Variants in PHACTR3 observed in about 807,000 individuals in gnomAD.
The protein encoded by PHACTR3 is phosphatase and actin regulator 3, also known as protein phosphatase 1, regulatory subunit 123.
PHACTR3 carries 16 observed loss-of-function variants against 66.8 expected under a neutral mutation model. The observed-to-expected ratio is 0.24, with a 90% CI of 0.16 to 0.36. The LOEUF (loss-of-function observed/expected upper bound fraction) is 0.36. Among genes scored for constraint, PHACTR3 ranks in the 10% least tolerant of loss-of-function variants. The pLI is 1.00. For synonymous variants in PHACTR3, 323 were observed against 292.1 expected (o/e 1.11, Z -1.08); for missense variants, 647 against 719.9 (o/e 0.90, Z 1.16).
chr20:59,650,881 G>C, intron 1 of PHACTR3, among the ~76,000 whole-genome samples: 1 of 152,112 alleles, frequency 6.6e-6, no homozygotes, highest in Non-Finnish European at 1.5e-5. Context: ...AGGGTTGGGG[G>C]CTATGATAGG....
intron 5 of PHACTR3, among the ~76,000 whole-genome samples, chr20:59,771,723 C>T (rs1051314705): frequency 6.6e-6 from 1 of 152,208 alleles, no homozygotes; most frequent in Non-Finnish European, 1.5e-5. Flanking sequence ...GGGCCTGGCC[C>T]GTTTCCCTGT....
At chr20:59,806,670 A>G (rs1291167479) in intron 8 of PHACTR3, among the ~76,000 whole-genome samples, 1 of 152,182 alleles carries the variant, frequency 6.6e-6, no homozygotes, top group African/African-American at 2.4e-5. Flanking sequence ...CCACCCACAT[A>G]CACACAGTTA....
chr20:59,621,958 T>C (rs1268439736), intron 1 of PHACTR3, among the ~76,000 whole-genome samples: 1 of 152,234 alleles, frequency 6.6e-6, no homozygotes, highest in Non-Finnish European at 1.5e-5. Flanking sequence ...AAGGTCAACT[T>C]TGCCATCTGT....
At chr20:59,735,541 C>A (rs1456898308) in intron 1 of PHACTR3, among the ~76,000 whole-genome samples, 1 of 151,958 alleles carries the variant, frequency 6.6e-6, no homozygotes, top group Non-Finnish European at 1.5e-5. Flanking sequence ...GATAAGATAT[C>A]TTAGTGGATG....
At chr20:59,645,550 C>T (rs961174147) in intron 1 of PHACTR3, among the ~76,000 whole-genome samples, 1 of 152,134 alleles carries the variant, frequency 6.6e-6, no homozygotes, top group South Asian at 2.1e-4. Context: ...GACCTCTCCT[C>T]GTCCTGCTTG....
chr20:59,783,924 A>G (rs967490299), intron 7 of PHACTR3, among the ~76,000 whole-genome samples: 7 of 152,374 alleles, frequency 4.6e-5, no homozygotes, highest in African/African-American at 1.7e-4. Context: ...TAGGAACTGT[A>G]TCCGTCTCCC....
At chr20:59,710,275 TCTC>T (rs1411283153) in intron 1 of PHACTR3, among the ~76,000 whole-genome samples, 1 of 152,170 alleles carries the variant, frequency 6.6e-6, no homozygotes, top group Non-Finnish European at 1.5e-5. Context: ...CTCATCCCAT[TCTC>T]CTGCTTTTTA....
chr20:59,685,636 G>C (rs545410991), intron 1 of PHACTR3, among the ~76,000 whole-genome samples: 2 of 152,180 alleles, frequency 1.3e-5, no homozygotes, highest in Non-Finnish European at 2.9e-5. Context: ...GCTGGAACTC[G>C]TCAGACCATC....
intron 1 of PHACTR3, among the ~76,000 whole-genome samples, chr20:59,679,821 A>G (rs2036579412): frequency 6.6e-6 from 1 of 152,174 alleles, no homozygotes; most frequent in Non-Finnish European, 1.5e-5. Flanking sequence ...CACTACCACA[A>G]GAACAGTATG....
At chr20:59,615,853 A>G (rs1472032909) in intron 1 of PHACTR3, among the ~76,000 whole-genome samples, 1 of 152,216 alleles carries the variant, frequency 6.6e-6, no homozygotes, top group Non-Finnish European at 1.5e-5. Flanking sequence ...TTGGGGGAGC[A>G]GGAAAGTCAT....
chr20:59,845,097 C>A, intron 11 of PHACTR3, 92 bp from the exon 12 acceptor site: 1 of 802,088 alleles, frequency 1.2e-6, no homozygotes, highest in South Asian at 1.8e-5. Flanking sequence ...ATAGAGTCAA[C>A]AAGGATTAGG....
chr20:59,661,364 G>C (rs900540589), intron 1 of PHACTR3, among the ~76,000 whole-genome samples: 3 of 152,138 alleles, frequency 2.0e-5, no homozygotes, highest in African/African-American at 4.8e-5. Flanking sequence ...AGGTGGGGAA[G>C]GGGGGAGCAT....
chr20:59,788,800 A>G (rs956805864), intron 7 of PHACTR3, among the ~76,000 whole-genome samples: 3 of 152,126 alleles, frequency 2.0e-5, no homozygotes, highest in Non-Finnish European at 2.9e-5. Context: ...CCTCATACTC[A>G]GCTAATGTCA....
chr20:59,847,150 A>G lies in PHACTR3; in HGVS notation c.*20A>G. ...CCATAGAGATTTTCTTCTGAGAAGA[A>G]TTTGTGTTTAATTTTTTGATACCAA... On this transcript the variant is annotated 3_prime_UTR_variant, in exon 13 of 13. Transcript: ENST00000371015. The G allele has an allele frequency of 6.6e-7, 1 of 1,508,268 alleles. No individual in the cohort carries two copies. The highest frequency in any genetic ancestry group is 1.2e-5 in the South Asian group (1 of 85,516). The allele number at this position is 1,508,268 out of a possible 1,614,324, so 93.4% of individuals were successfully genotyped here. A position where few individuals can be genotyped will look rare whatever the true frequency, so the allele number is the denominator to read the frequency against.
At chr20:59,762,143 A>G (rs1218233865) in intron 4 of PHACTR3, among the ~76,000 whole-genome samples, 2 of 152,222 alleles carry the variant, frequency 1.3e-5, no homozygotes, top group Admixed American at 6.5e-5. Context: ...CAGGCAGGCT[A>G]AGGATGTGAG....
chr20:59,697,546 C>T (rs960406894), intron 1 of PHACTR3, among the ~76,000 whole-genome samples: 7 of 152,104 alleles, frequency 4.6e-5, no homozygotes, highest in Admixed American at 2.6e-4. Context: ...GGTAACTCAT[C>T]GAACCTTCCT....
At chr20:59,841,294 T>A in intron 10 of PHACTR3, 101 bp from the exon 11 acceptor site, 1 of 1,236,242 alleles carries the variant, frequency 8.1e-7, no homozygotes, top group Non-Finnish European at 1.1e-6. Flanking sequence ...CAGGTTTTTT[T>A]TGTTTTGTTT....
intron 1 of PHACTR3, among the ~76,000 whole-genome samples, chr20:59,635,105 T>C (rs866018699): frequency 5.7e-4 from 30 of 52,940 alleles, no homozygotes; most frequent in East Asian, 4.2e-3. Flanking sequence ...TTCTCTCTCT[T>C]TCTTTCTTTC....
At chr20:59,586,715 G>T (rs1406693220) in intron 1 of PHACTR3, among the ~76,000 whole-genome samples, 1 of 152,170 alleles carries the variant, frequency 6.6e-6, no homozygotes. Context: ...GAGCCACTCT[G>T]CAGTCACTGG....
Sources: allele counts gnomAD v4.1 joint callset (sites outside exome capture counted in the v4.1 genomes callset), GRCh38; gene constraint gnomAD v4.1.1; transcripts MANE v1.5; gene names NCBI Gene and HGNC (gene_info 2026-07-23, HGNC 2026-07-21).